UST: variants seen among roughly 807,000 people sequenced by gnomAD.
UST encodes chondroitin sulfate 2-O-sulfotransferase.
A neutral mutation model predicts 45.6 loss-of-function variants in UST; 21 were observed. That is an observed-to-expected ratio of 0.46 (90% CI 0.33 to 0.66). The LOEUF (loss-of-function observed/expected upper bound fraction) is 0.66. Ranked by LOEUF, UST falls within the 30% of genes least tolerant of loss-of-function variation. UST has a pLI of 0.02. For missense variants in UST, 463 were observed against 512.4 expected (o/e 0.90, Z 0.93); for synonymous variants, 215 against 200.6 (o/e 1.07, Z -0.61).
intron 4 of UST, among the ~76,000 whole-genome samples, chr6:148,962,382 A>C (rs530254346): frequency 4.2e-4 from 64 of 152,396 alleles, no homozygotes; most frequent in African/African-American, 1.5e-3. Flanking sequence ...TAGCACTAGC[A>C]GTCATTCTTC....
chr6:148,974,143 C>T (rs983502374), intron 5 of UST, among the ~76,000 whole-genome samples: 2 of 152,128 alleles, frequency 1.3e-5, no homozygotes, highest in African/African-American at 4.8e-5. Flanking sequence ...CTTCCCAAAG[C>T]ATGGGGCATG....
intron 1 of UST, among the ~76,000 whole-genome samples, chr6:148,753,268 A>T (rs1776024368): frequency 6.6e-6 from 1 of 152,228 alleles, no homozygotes; most frequent in Admixed American, 6.5e-5. Flanking sequence ...GAGAAACGCC[A>T]TACCCTTTAT....
chr6:148,747,348 C>G lies in UST; in HGVS notation c.-83C>G, dbSNP rs1775885135. ...CCGCGCGGCCCTCCCCATGTGCAGC[C>G]GGCCAGCCGGGCTCTCCTCCTCGCG... is the stretch of plus-strand genomic sequence containing the variant. On this transcript the variant is annotated 5_prime_UTR_variant, in exon 1 of 8. Coordinates refer to ENST00000367463, the MANE Select transcript of UST (RefSeq NM_005715.3). The G allele has an allele frequency of 3.0e-6, 4 of 1,350,714 alleles. No individual in the cohort carries two copies. Among genetic ancestry groups the G allele is most frequent in the South Asian group, 1.9e-5 (1 of 53,158 alleles). The allele number at this position is 1,350,714 out of a possible 1,614,324, so 83.7% of individuals were successfully genotyped here.
chr6:148,779,589 G>A (rs1463557207), intron 1 of UST, among the ~76,000 whole-genome samples: 1 of 152,192 alleles, frequency 6.6e-6, no homozygotes, highest in African/African-American at 2.4e-5. Context: ...CCCGCTCCAC[G>A]GGATGTCGTA....
At chr6:148,855,300 C>T (rs1292823748) in intron 1 of UST, among the ~76,000 whole-genome samples, 2 of 152,206 alleles carry the variant, frequency 1.3e-5, no homozygotes, top group Non-Finnish European at 2.9e-5. Context: ...AGCCTACTTG[C>T]CTCGCCGGGG....
intron 7 of UST, among the ~76,000 whole-genome samples, chr6:149,063,684 C>A (rs1028481549): frequency 6.6e-6 from 1 of 152,196 alleles, no homozygotes; most frequent in Non-Finnish European, 1.5e-5. Flanking sequence ...CACAGCCAAG[C>A]CTTCCTTGAA....
At chr6:148,871,231 C>G (rs1582866697) in intron 1 of UST, among the ~76,000 whole-genome samples, 1 of 151,620 alleles carries the variant, frequency 6.6e-6, no homozygotes, top group Non-Finnish European at 1.5e-5. Flanking sequence ...GATGAGGGCT[C>G]TCACTGGAAC....
intron 1 of UST, among the ~76,000 whole-genome samples, chr6:148,796,050 G>A (rs1776942747): frequency 6.6e-6 from 1 of 152,130 alleles, no homozygotes; most frequent in African/African-American, 2.4e-5. Context: ...GTGGATAATT[G>A]AACCAAAATT....
At chr6:148,948,516 A>AT (rs1385894271) in intron 3 of UST, among the ~76,000 whole-genome samples, 2 of 151,952 alleles carry the variant, frequency 1.3e-5, no homozygotes, top group African/African-American at 4.8e-5. Flanking sequence ...CTGTGATCTG[A>AT]TTTTTTTCTT....
At chr6:148,846,062 A>G (rs894569625) in intron 1 of UST, among the ~76,000 whole-genome samples, 6 of 146,872 alleles carry the variant, frequency 4.1e-5, no homozygotes, top group Non-Finnish European at 7.5e-5. Context: ...ATCTAGAACT[A>G]GAAATACCAT....
chr6:148,942,745 G>A (rs1338142336), intron 3 of UST, among the ~76,000 whole-genome samples: 1 of 152,130 alleles, frequency 6.6e-6, no homozygotes, highest in Admixed American at 6.5e-5. Context: ...TTTTAAGACA[G>A]TAACATAGCC....
Position 149,074,099 on chromosome 6 carries a change from G to T in UST, c.1204G>T (p.Asp402Tyr). 6.2e-7 allele frequency: 1 copy of T among 1,614,194 alleles called. No homozygotes were observed. Among genetic ancestry groups the T allele is most frequent in the Non-Finnish European group, 8.5e-7 (1 of 1,180,006 alleles). The change falls in exon 8 of 8, where the codon GAT becomes TAT. Residue 402 changes from aspartate (D) to tyrosine (Y), a missense_variant. Coordinates refer to ENST00000367463, the MANE Select transcript of UST (RefSeq NM_005715.3). Reference sequence around the variant, plus strand: ...ACAGGATGATGAAAAGTGGCTGGAAGATATTTATAAGAGGTGATGTGACTG... The same window carrying T: ...ACAGGATGATGAAAAGTGGCTGGAATATATTTATAAGAGGTGATGTGACTG... ...EEQDDEKWLE[D>Y]IYKR
intron 2 of UST, among the ~76,000 whole-genome samples, chr6:148,909,370 G>T (rs188558104): frequency 1.3e-5 from 2 of 152,174 alleles, no homozygotes; most frequent in African/African-American, 2.4e-5. Flanking sequence ...ATGCCCGTGC[G>T]CTTCCTACCG....
intron 5 of UST, among the ~76,000 whole-genome samples, chr6:149,017,281 G>A (rs910729270): frequency 2.0e-5 from 3 of 151,984 alleles, no homozygotes; most frequent in African/African-American, 4.8e-5. Context: ...GGAGGCTGAG[G>A]CAGGAGAATG....
chr6:148,814,878 G>A (rs1463463265), intron 1 of UST, among the ~76,000 whole-genome samples: 1 of 152,126 alleles, frequency 6.6e-6, no homozygotes, highest in African/African-American at 2.4e-5. Context: ...ATGGGTTGGA[G>A]ACCCCCTATA....
At position 149,076,986 on chromosome 6, in the gene UST, T is replaced by A. The variant is rs1271473490; in HGVS notation, c.*2870T>A. The A allele has an allele frequency of 6.6e-6, 1 of 152,172 alleles. No homozygotes were observed. The highest frequency in any genetic ancestry group is 1.5e-5 in the Non-Finnish European group (1 of 68,026). The allele number at this position is 152,172 out of a possible 1,614,324, so 9.4% of individuals were successfully genotyped here. On this transcript the variant is annotated 3_prime_UTR_variant, in exon 8 of 8. Coordinates refer to ENST00000367463, the MANE Select transcript of UST (RefSeq NM_005715.3). ...TTAGCTAAAATAAAAGCAATCTGTG[T>A]TTGAGATGAAGCATTCCTTAACTTA...
At chr6:148,789,983 A>C (rs1240775501) in intron 1 of UST, among the ~76,000 whole-genome samples, 1 of 138,708 alleles carries the variant, frequency 7.2e-6, no homozygotes, top group African/African-American at 2.7e-5. Context: ...TCAAGATTTC[A>C]GGATTCTTTT....
intron 3 of UST, among the ~76,000 whole-genome samples, chr6:148,943,987 C>T (rs990532522): frequency 6.6e-6 from 1 of 152,184 alleles, no homozygotes; most frequent in Non-Finnish European, 1.5e-5. Context: ...GTTTGAAGTT[C>T]AACAACATTT....
rs369252171 is a variant in UST at position 148,754,259 on chromosome 6, G to C, written c.247+6582G>C. ...GATTCGCCCGCCTCGGCCTCCCAAAGTGCTGGGATTACAGGCATGAGCCAC... is the reference window on the plus strand; with the variant it reads ...GATTCGCCCGCCTCGGCCTCCCAAACTGCTGGGATTACAGGCATGAGCCAC... On this transcript the variant is annotated intron_variant, in intron 1 of 7. Coordinates refer to ENST00000367463, the MANE Select transcript of UST (RefSeq NM_005715.3). Among the ~76,000 whole-genome samples, 446 of 152,234 alleles carry C rather than the reference G, an allele frequency of 2.9e-3. 4 individuals are homozygous for C. Among genetic ancestry groups the C allele is most frequent in the African/African-American group, 0.01 (417 of 41,554 alleles).
Sources: gnomAD v4.1 joint callset for allele counts (sites outside exome capture counted in the v4.1 genomes callset) on GRCh38, gnomAD v4.1.1 for gene constraint, MANE v1.5 for transcripts, NCBI Gene and HGNC (gene_info 2026-07-23, HGNC 2026-07-21) for gene names.